The following SYT17 variants were observed in gnomAD, a reference collection of about 807,000 sequenced individuals.
SYT17 encodes synaptotagmin-17.
Under a neutral mutation model 46.7 loss-of-function variants are expected in SYT17, and 22 were observed. The observed-to-expected ratio is 0.47, with a 90% CI of 0.34 to 0.67. The LOEUF is 0.67. SYT17 is among the 30% of genes least tolerant of loss of function. The pLI is 0.01. For synonymous variants in SYT17, 251 were observed against 248.4 expected (o/e 1.01, Z -0.10); for missense variants, 519 against 612.8 (o/e 0.85, Z 1.62).
chr16:19,245,587 T>C (rs1315245006), intron 7 of SYT17, among the ~76,000 whole-genome samples: 1 of 152,212 alleles, frequency 6.6e-6, no homozygotes, highest in African/African-American at 2.4e-5. Flanking sequence ...GTGGCTTCTC[T>C]TTAACTGCCT....
intron 7 of SYT17, among the ~76,000 whole-genome samples, chr16:19,233,904 C>T (rs1966792427): frequency 6.6e-6 from 1 of 152,198 alleles, no homozygotes; most frequent in Non-Finnish European, 1.5e-5. Flanking sequence ...AGCCATGCAG[C>T]AGCCTCTGTC....
chr16:19,178,646 G>A (rs557245635), intron 3 of SYT17, among the ~76,000 whole-genome samples: 43 of 152,216 alleles, frequency 2.8e-4, no homozygotes, highest in African/African-American at 7.9e-4. Flanking sequence ...CACAGGATGC[G>A]TCTGAAGACC....
chr16:19,235,249 CA>C (rs11311718), intron 7 of SYT17, among the ~76,000 whole-genome samples: 12,223 of 152,148 alleles, frequency 0.08, 1,038 homozygotes, highest in East Asian at 0.21. Flanking sequence ...CCAAGCTACA[CA>C]AGTGGATATT....
chr16:19,257,774 C>G (rs1968682550), intron 7 of SYT17, among the ~76,000 whole-genome samples: 1 of 152,058 alleles, frequency 6.6e-6, no homozygotes, highest in Non-Finnish European at 1.5e-5. Flanking sequence ...TCGCCGGGTA[C>G]AGTGATGAGG....
chr16:19,242,959 C>T (rs1967245165), intron 7 of SYT17, among the ~76,000 whole-genome samples: 1 of 152,266 alleles, frequency 6.6e-6, no homozygotes, highest in African/African-American at 2.4e-5. Flanking sequence ...CATGCAAGGA[C>T]TTAGCACACA....
intron 5 of SYT17, among the ~76,000 whole-genome samples, chr16:19,206,447 T>C (rs1965675403): frequency 6.6e-6 from 1 of 152,184 alleles, no homozygotes; most frequent in African/African-American, 2.4e-5. Context: ...GGGATTGCAA[T>C]GGAGGTCTGT....
intron 7 of SYT17, among the ~76,000 whole-genome samples, chr16:19,264,042 T>A (rs578063950): frequency 2.6e-5 from 4 of 152,306 alleles, no homozygotes; most frequent in Non-Finnish European, 4.4e-5. Flanking sequence ...AGTGCCCTTA[T>A]AGAAGATGCC....
chr16:19,248,445 T>A (rs1967755604), intron 7 of SYT17, among the ~76,000 whole-genome samples: 1 of 152,204 alleles, frequency 6.6e-6, no homozygotes, highest in African/African-American at 2.4e-5. Context: ...AAGCATTATT[T>A]GTAATCACCA....
intron 7 of SYT17, among the ~76,000 whole-genome samples, chr16:19,251,236 G>A (rs1368582396): frequency 1.3e-5 from 2 of 152,174 alleles, no homozygotes; most frequent in African/African-American, 4.8e-5. Context: ...AAGGTCATCA[G>A]GACCCGAATT....
chr16:19,172,450 C>A, intron 1 of SYT17: 1 of 1,444,180 alleles, frequency 6.9e-7, no homozygotes, highest in Non-Finnish European at 9.0e-7. Flanking sequence ...GATAGCATGA[C>A]TATCTATCCG....
intron 5 of SYT17, among the ~76,000 whole-genome samples, chr16:19,195,094 T>C (rs1383832248): frequency 1.3e-5 from 2 of 152,242 alleles, no homozygotes; most frequent in Non-Finnish European, 2.9e-5. Flanking sequence ...ATAATAATTC[T>C]TACTGCATGG....
chr16:19,263,852 A>G (rs1008378710), intron 7 of SYT17, among the ~76,000 whole-genome samples: 1 of 152,174 alleles, frequency 6.6e-6, no homozygotes, highest in African/African-American at 2.4e-5. Flanking sequence ...GATAGCAGAT[A>G]TGTGAGGCTT....
chr16:19,173,468 A>T lies in SYT17; in HGVS notation c.72A>T (p.Arg24Ser). The T allele has an allele frequency of 6.3e-7, 1 of 1,598,524 alleles. No homozygotes were observed. Among genetic ancestry groups the T allele is most frequent in the Non-Finnish European group, 8.5e-7 (1 of 1,172,448 alleles). Reference protein sequence around the residue: ...LSRISGLLLCRWTCRHCCQKC... With the variant: ...LSRISGLLLCSWTCRHCCQKC... ...GAATCTCTGGTCTGCTGCTGTGCAG[A>T]TGGACCTGCCGGCACTGCTGTCAGA... Residue 24 changes from arginine (R) to serine (S), a missense_variant, in exon 3 of 8, where the codon AGA (arginine) becomes AGT (serine). By Grantham distance (110) the Arg-to-Ser change is moderately radical (BLOSUM62 -1). Coordinates refer to ENST00000355377, the MANE Select transcript of SYT17 (RefSeq NM_016524.4).
rs776097400 is a variant in SYT17 at position 19,220,303 on chromosome 16, C to CTTTCT, written c.952-2739_952-2738insCTTTT. Among the ~76,000 whole-genome samples the CTTTCT allele has an allele frequency of 1.1e-3, 91 of 80,494 alleles. 2 individuals are homozygous for CTTTCT. Among genetic ancestry groups the CTTTCT allele is most frequent in the South Asian group, 2.8e-3 (5 of 1,810 alleles). 52.8% of individuals were successfully genotyped at this position (80,494 alleles called of 152,430 possible). On this transcript the variant is annotated intron_variant, in intron 5 of 7. Coordinates refer to ENST00000355377, the MANE Select transcript of SYT17 (RefSeq NM_016524.4). Reference sequence around the variant, plus strand: ...TTCAATGACATTTCTTTCTTTCTTTCTTTTTTTTTTTTTTTTTGAGATGAA... The same window carrying CTTTCT: ...TTCAATGACATTTCTTTCTTTCTTTCTTTCTTTTTTTTTTTTTTTTTTGAGATGAA...
chr16:19,266,455 C>T lies in SYT17; in HGVS notation c.1229-425C>T, dbSNP rs145429936. On this transcript the variant is annotated intron_variant, in intron 7 of 7. Coordinates refer to ENST00000355377, the MANE Select transcript of SYT17 (RefSeq NM_016524.4). ...GTCAACAGTTCCATGATTGAGAAACCCTGGTTTAATCGCTCAACTGGACTA... is the reference window on the plus strand; with the variant it reads ...GTCAACAGTTCCATGATTGAGAAACTCTGGTTTAATCGCTCAACTGGACTA... 2.6e-3 allele frequency among the ~76,000 whole-genome samples: 397 copies of T among 152,284 alleles called. 5 individuals carry two copies. Among genetic ancestry groups the T allele is most frequent in the African/African-American group, 7.4e-3 (309 of 41,548 alleles).
intron 7 of SYT17, among the ~76,000 whole-genome samples, chr16:19,236,053 A>T (rs1418502538): frequency 6.6e-6 from 1 of 152,076 alleles, no homozygotes; most frequent in Non-Finnish European, 1.5e-5. Flanking sequence ...GAGACAGGCG[A>T]CTCACCCCAG....
At chr16:19,173,378 GCCCACCTCCCCTC>G in intron 2 of SYT17, 39 bp from the exon 3 acceptor site, 4 of 222,874 alleles carry the variant, frequency 1.8e-5, no homozygotes, top group East Asian at 6.0e-5. Flanking sequence ...TCCCCACCCT[GCCCACCTCCCCTC>G]TCCCCCATCC....
intron 7 of SYT17, among the ~76,000 whole-genome samples, chr16:19,230,162 C>T (rs1021067830): frequency 6.6e-6 from 1 of 152,126 alleles, no homozygotes; most frequent in Non-Finnish European, 1.5e-5. Context: ...AATCCCAGCA[C>T]TTTGGGAGGC....
At chr16:19,220,020 C>A (rs1452686347) in intron 5 of SYT17, among the ~76,000 whole-genome samples, 1 of 152,168 alleles carries the variant, frequency 6.6e-6, no homozygotes, top group Non-Finnish European at 1.5e-5. Flanking sequence ...GCCCTAAAGA[C>A]ACCGCATCTT....
Sources: allele counts gnomAD v4.1 joint callset (sites outside exome capture counted in the v4.1 genomes callset), GRCh38; gene constraint gnomAD v4.1.1; transcripts MANE v1.5; gene names NCBI Gene and HGNC (gene_info 2026-07-23, HGNC 2026-07-21).